Variants in PCDHA2 observed in about 807,000 individuals in gnomAD.
The protein encoded by PCDHA2 is protocadherin alpha-2.
PCDHA2 carries 58 observed loss-of-function variants against 66.0 expected under a neutral mutation model. The ratio of observed to expected loss-of-function variants is 0.88; its 90% confidence interval spans 0.71 to 1.09. The LOEUF is 1.09. Among genes scored for constraint, PCDHA2 ranks in the 50% least tolerant of loss-of-function variants. The probability of loss-of-function intolerance (pLI) is 0.00; values close to 1 mark genes in which losing one functional copy is unlikely to be tolerated. For synonymous variants in PCDHA2, 634 were observed against 554.0 expected, an observed-to-expected ratio of 1.14 and a Z score of -2.03; for missense variants, 1,267 against 1,242.3, an observed-to-expected ratio of 1.02 and a Z score of -0.30.
intron 1 of PCDHA2, among the ~76,000 whole-genome samples, chr5:140,844,423 T>C (rs1779370902): frequency 6.7e-6 from 1 of 149,538 alleles, no homozygotes; most frequent in South Asian, 2.1e-4. Flanking sequence ...ATGTTTTTTA[T>C]TCTACATGAT....
At chr5:140,932,899 CAAT>C (rs1317207926) in intron 1 of PCDHA2, among the ~76,000 whole-genome samples, 2 of 151,832 alleles carry the variant, frequency 1.3e-5, no homozygotes, top group Non-Finnish European at 3.0e-5. Context: ...TAGAGGGAAA[CAAT>C]AATATTTCAA....
intron 1 of PCDHA2, among the ~76,000 whole-genome samples, chr5:140,880,091 C>A (rs925970617): frequency 6.6e-6 from 1 of 152,106 alleles, no homozygotes; most frequent in African/African-American, 2.4e-5. Context: ...TTATAGTAGG[C>A]TTAAAATCAT....
intron 1 of PCDHA2, chr5:140,884,559 C>A (rs782174598): frequency 6.2e-7 from 1 of 1,614,094 alleles, no homozygotes; most frequent in South Asian, 1.1e-5. Flanking sequence ...GGGGAGGGCC[C>A]GCATAAGACG....
chr5:140,808,895 G>A (rs781855860), intron 1 of PCDHA2: 1 of 1,613,372 alleles, frequency 6.2e-7, no homozygotes. Context: ...AGCGCCTCGG[G>A]CGGGTGGCAC....
Position 140,853,770 on chromosome 5 carries a change from A to G in PCDHA2, c.2388+56418A>G. 3 of 988,146 alleles carry G rather than the reference A, an allele frequency of 3.0e-6. No homozygotes were observed. In the South Asian group the frequency reaches 1.4e-4, roughly 47 times the overall value. 61.2% of individuals were successfully genotyped at this position (988,146 alleles called of 1,614,324 possible). On this transcript the variant is annotated intron_variant, in intron 1 of 3. Coordinates refer to ENST00000526136, the MANE Select transcript of PCDHA2 (RefSeq NM_018905.3). ...CAAGGCTCCACCTCAGAAATTCTGA[A>G]ATGGGTAGTAAGAGCAAATTTTCAT...
rs200436467 is a variant in PCDHA2 at position 140,883,790 on chromosome 5, G to A, written c.2388+86438G>A. 640 of 1,612,406 alleles carry A rather than the reference G, an allele frequency of 4.0e-4. No individual in the cohort carries two copies. The highest frequency in any genetic ancestry group is 5.2e-4 in the Non-Finnish European group (616 of 1,179,760). ...GGGCGAGCGTGCGCTGTCGAGCTAC[G>A]TGTCGGTGCACGCGGAGAGCGGCAA... is the stretch of plus-strand genomic sequence containing the variant. On this transcript the variant is annotated intron_variant, in intron 1 of 3. Transcript: ENST00000526136.
chr5:140,975,996 C>T (rs923472287), intron 1 of PCDHA2, among the ~76,000 whole-genome samples: 1 of 152,064 alleles, frequency 6.6e-6, no homozygotes, highest in African/African-American at 2.4e-5. Flanking sequence ...GAGGTACCAT[C>T]TAAGTATTAA....
intron 1 of PCDHA2, chr5:140,858,606 T>A: frequency 8.0e-7 from 1 of 1,257,634 alleles, no homozygotes; most frequent in Non-Finnish European, 1.1e-6. Flanking sequence ...GTTTTAAAAT[T>A]TTTTTATCCT....
At chr5:140,802,024 A>T in intron 1 of PCDHA2, 1 of 1,614,188 alleles carries the variant, frequency 6.2e-7, no homozygotes, top group Non-Finnish European at 8.5e-7. Context: ...GTAAATAAGG[A>T]TATCGCGTAT....
In PCDHA2 at chr5:140,855,370, A is replaced by C. The variant is rs1007316942; in HGVS notation, c.2388+58018A>C. Among the ~76,000 whole-genome samples the C allele has an allele frequency of 2.7e-5, 4 of 150,058 alleles. 1 individual carries two copies. Among genetic ancestry groups the C allele is most frequent in the Non-Finnish European group, 6.0e-5 (4 of 67,120 alleles). On this transcript the variant is annotated intron_variant, in intron 1 of 3. Transcript: ENST00000526136. ...AGTCATGTGGCTAGTGAGTAGGATA[A>C]TAGGAATCTAAATGGAGAAATGTCT...
intron 1 of PCDHA2, among the ~76,000 whole-genome samples, chr5:140,954,686 G>T (rs962904413): frequency 6.6e-6 from 1 of 152,024 alleles, no homozygotes; most frequent in African/African-American, 2.4e-5. Context: ...TTGTCAGATG[G>T]ATAGACTACA....
intron 1 of PCDHA2, chr5:140,926,897 T>C: frequency 1.3e-6 from 2 of 1,548,696 alleles, no homozygotes; most frequent in Non-Finnish European, 1.7e-6. Context: ...GGGAGGATGG[T>C]GGGCTGTGGG....
At chr5:140,925,508 A>C (rs1244251216) in intron 1 of PCDHA2, among the ~76,000 whole-genome samples, 1 of 152,138 alleles carries the variant, frequency 6.6e-6, no homozygotes, top group African/African-American at 2.4e-5. Flanking sequence ...ATATCCACGC[A>C]AAAGACCAAA....
intron 3 of PCDHA2, among the ~76,000 whole-genome samples, chr5:140,999,478 T>C (rs2097859281): frequency 6.6e-6 from 1 of 152,172 alleles, no homozygotes; most frequent in Non-Finnish European, 1.5e-5. Flanking sequence ...AGATTCCAAC[T>C]CAAGTCTATG....
chr5:140,947,580 A>G (rs1031254382), intron 1 of PCDHA2, among the ~76,000 whole-genome samples: 2 of 151,664 alleles, frequency 1.3e-5, no homozygotes, highest in Non-Finnish European at 3.0e-5. Context: ...TGTTTTTAAC[A>G]TTTAGATCAA....
At chr5:140,825,010 T>G (rs1223030036) in intron 1 of PCDHA2, 1 of 152,128 alleles carries the variant, frequency 6.6e-6, no homozygotes, top group Non-Finnish European at 1.5e-5. Flanking sequence ...TTTACTGTTC[T>G]AAAGGTGCAA....
chr5:140,872,246 G>A (rs2053563930), intron 1 of PCDHA2, among the ~76,000 whole-genome samples: 1 of 151,488 alleles, frequency 6.6e-6, no homozygotes, highest in Non-Finnish European at 1.5e-5. Flanking sequence ...TTATTCCTGT[G>A]ATAATACTTG....
chr5:140,869,972 A>T (rs782424515), intron 1 of PCDHA2: 14 of 1,613,080 alleles, frequency 8.7e-6, no homozygotes. Context: ...AATGGAAGAC[A>T]CTTATTTACA....
At chr5:140,918,279 G>A (rs1554198513) in intron 1 of PCDHA2, among the ~76,000 whole-genome samples, 1 of 152,078 alleles carries the variant, frequency 6.6e-6, no homozygotes, top group African/African-American at 2.4e-5. Context: ...TCAGATGTAG[G>A]AGCTTTTTGG....
Sources: gnomAD v4.1 joint callset for allele counts (sites outside exome capture counted in the v4.1 genomes callset) on GRCh38, gnomAD v4.1.1 for gene constraint, MANE v1.5 for transcripts, NCBI Gene and HGNC (gene_info 2026-07-23, HGNC 2026-07-21) for gene names.